The following DAB1 variants were observed in gnomAD, a reference collection of about 807,000 sequenced individuals.
DAB1 encodes the protein DAB adaptor protein 1.
In DAB1, 15 loss-of-function variants were observed where a neutral mutation model predicts 64.6. That is an observed-to-expected ratio of 0.23 (90% CI 0.16 to 0.36). The LOEUF (loss-of-function observed/expected upper bound fraction) is 0.36, where lower values mean the gene tolerates loss of function less well. DAB1 is among the 10% of genes least tolerant of loss of function. The pLI, the probability that DAB1 is intolerant of heterozygous loss-of-function variation, is 1.00. For missense variants in DAB1, 596 were observed against 706.7 expected, an observed-to-expected ratio of 0.84 and a Z score of 1.78; for synonymous variants, 235 against 251.9, an observed-to-expected ratio of 0.93 and a Z score of 0.64.
chr1:57,312,310 C>T (rs12135189), intron 1 of DAB1, among the ~76,000 whole-genome samples: 54,814 of 148,862 alleles, frequency 0.37, 10,134 homozygotes, highest in South Asian at 0.49. Context: ...TAAGCAGATG[C>T]CGTCTACAAT....
At chr1:57,065,783 G>A (rs1022531324) in intron 8 of DAB1, among the ~76,000 whole-genome samples, 7 of 152,130 alleles carry the variant, frequency 4.6e-5, no homozygotes, top group African/African-American at 1.2e-4. Flanking sequence ...TCAGACAGTC[G>A]CTTTGCTCTC....
At chr1:57,415,812 G>T (rs1007683890) in intron 1 of DAB1, among the ~76,000 whole-genome samples, 4 of 152,138 alleles carry the variant, frequency 2.6e-5, no homozygotes, top group African/African-American at 9.7e-5. Flanking sequence ...CATCACCAGG[G>T]ACTAGGATTG....
chr1:57,388,741 G>A (rs574874361), intron 1 of DAB1, among the ~76,000 whole-genome samples: 27 of 152,226 alleles, frequency 1.8e-4, no homozygotes, highest in Admixed American at 1.4e-3. Flanking sequence ...CTCACAGCTC[G>A]TTTCCCCTTC....
At chr1:58,235,766 T>A (rs893346802) in intron 4 of DAB1, among the ~76,000 whole-genome samples, 5 of 152,134 alleles carry the variant, frequency 3.3e-5, no homozygotes, top group African/African-American at 9.7e-5. Flanking sequence ...GGCACCCAGA[T>A]AAAGGGCTAA....
intron 5 of DAB1, among the ~76,000 whole-genome samples, chr1:58,085,903 G>A (rs1006171199): frequency 2.0e-5 from 3 of 151,102 alleles, no homozygotes; most frequent in East Asian, 1.9e-4. Flanking sequence ...CAAACAGGGG[G>A]TCTGGGAAAG....
intron 4 of DAB1, among the ~76,000 whole-genome samples, chr1:57,081,872 T>A (rs907705694): frequency 1.3e-5 from 2 of 152,192 alleles, no homozygotes; most frequent in African/African-American, 2.4e-5. Context: ...AATATATTGC[T>A]ATTAAAAAAA....
At chr1:57,626,544 G>T (rs936581745) in intron 7 of DAB1, among the ~76,000 whole-genome samples, 7 of 152,158 alleles carry the variant, frequency 4.6e-5, no homozygotes, top group African/African-American at 1.7e-4. Flanking sequence ...GGGGGTGAGT[G>T]GTCAGGTACA....
intron 1 of DAB1, among the ~76,000 whole-genome samples, chr1:57,839,661 T>TA (rs2101913834): frequency 6.6e-6 from 1 of 152,288 alleles, no homozygotes; most frequent in South Asian, 2.1e-4. Flanking sequence ...TCATAAACAA[T>TA]ACAGTGCTTT....
intron 4 of DAB1, among the ~76,000 whole-genome samples, chr1:58,287,707 T>C (rs780174527): frequency 3.3e-5 from 5 of 152,082 alleles, no homozygotes; most frequent in Non-Finnish European, 5.9e-5. Flanking sequence ...AGCAAGTCAC[T>C]AAAGTCAGCT....
chr1:57,713,596 A>T (rs537640119), intron 6 of DAB1, among the ~76,000 whole-genome samples: 40 of 152,310 alleles, frequency 2.6e-4, no homozygotes, highest in Non-Finnish European at 4.7e-4. Flanking sequence ...GTTGTTAGAG[A>T]AACTATTCAG....
At chr1:57,498,574 G>A (rs187794477) in intron 7 of DAB1, among the ~76,000 whole-genome samples, 1 of 152,314 alleles carries the variant, frequency 6.6e-6, no homozygotes, top group Non-Finnish European at 1.5e-5. Flanking sequence ...GGGCCCTTGA[G>A]TTAAGGACAT....
intron 5 of DAB1, among the ~76,000 whole-genome samples, chr1:57,920,642 C>A (rs1214704195): frequency 1.3e-5 from 2 of 152,130 alleles, no homozygotes; most frequent in East Asian, 3.9e-4. Flanking sequence ...AGCAGCTAGA[C>A]AAATTATTAA....
At chr1:57,865,753 G>A (rs7552848) in intron 1 of DAB1, among the ~76,000 whole-genome samples, 5,680 of 152,238 alleles carry the variant, frequency 0.037, 393 homozygotes, top group African/African-American at 0.13. Context: ...GTTAGACTGC[G>A]TGGATTCAAA....
At chr1:58,437,856 C>T (rs752895697) in intron 3 of DAB1, among the ~76,000 whole-genome samples, 3 of 152,250 alleles carry the variant, frequency 2.0e-5, no homozygotes, top group South Asian at 2.1e-4. Flanking sequence ...CACATGACCA[C>T]GGCCCAGCCA....
chr1:57,018,675 T>A (rs1646511498), intron 11 of DAB1, among the ~76,000 whole-genome samples: 1 of 152,220 alleles, frequency 6.6e-6, no homozygotes, highest in African/African-American at 2.4e-5. Flanking sequence ...TCTCTTGACA[T>A]CAGCCTGTTT....
chr1:57,834,857 G>A (rs901547488), intron 1 of DAB1, among the ~76,000 whole-genome samples: 2 of 152,142 alleles, frequency 1.3e-5, no homozygotes, highest in African/African-American at 4.8e-5. Flanking sequence ...GTCCTCCTGT[G>A]TGGTCAACTG....
At chr1:57,319,371 T>A (rs401065) in intron 1 of DAB1, among the ~76,000 whole-genome samples, 1 of 141,768 alleles carries the variant, frequency 7.1e-6, no homozygotes, top group African/African-American at 2.4e-5. Context: ...AATCGCTGCC[T>A]CTTCTGTGGC....
intron 4 of DAB1, among the ~76,000 whole-genome samples, chr1:58,311,648 C>T (rs1662432031): frequency 6.6e-6 from 1 of 152,122 alleles, no homozygotes. Flanking sequence ...AAACCAAGGT[C>T]TAGGGTACTT....
chr1:57,687,735 A>G (rs1456881335), intron 6 of DAB1, among the ~76,000 whole-genome samples: 1 of 152,124 alleles, frequency 6.6e-6, no homozygotes, highest in African/African-American at 2.4e-5. Flanking sequence ...GACCAATGGA[A>G]TAGAACAGAG....
Sources: gnomAD v4.1 joint callset for allele counts (sites outside exome capture counted in the v4.1 genomes callset) on GRCh38, gnomAD v4.1.1 for gene constraint, MANE v1.5 for transcripts, NCBI Gene and HGNC (gene_info 2026-07-23, HGNC 2026-07-21) for gene names.